The following GRIN2A variants were observed in gnomAD, a reference collection of about 807,000 sequenced individuals.
GRIN2A encodes the protein glutamate ionotropic receptor NMDA type subunit 2A.
A neutral mutation model predicts 113.4 loss-of-function variants in GRIN2A; 22 were observed. The observed-to-expected ratio is 0.19, with a 90% confidence interval of 0.14 to 0.28. GRIN2A has a LOEUF of 0.28. Ranked by LOEUF, GRIN2A falls within the 10% of genes least tolerant of loss-of-function variation. GRIN2A has a pLI of 1.00. For missense variants in GRIN2A, 1,502 were observed against 1,887.0 expected (o/e 0.80, Z 3.78); for synonymous variants, 827 against 738.4 (o/e 1.12, Z -1.94).
At chr16:10,037,141 G>A (rs547267311) in intron 2 of GRIN2A, 7 of 152,248 alleles carry the variant, frequency 4.6e-5, no homozygotes, top group South Asian at 4.2e-4. Context: ...GTTCCGCCTC[G>A]GTTAGCAGAA....
intron 2 of GRIN2A, among the ~76,000 whole-genome samples, chr16:9,973,805 A>G (rs184105042): frequency 6.6e-6 from 1 of 152,192 alleles, no homozygotes; most frequent in South Asian, 2.1e-4. Context: ...AACAAATTCT[A>G]TAATTAGTGA....
intron 1 of GRIN2A, 144 bp downstream of exon 1, chr16:10,181,733 C>G (rs1450291665): frequency 1.3e-5 from 2 of 152,724 alleles, no homozygotes; most frequent in Non-Finnish European, 2.9e-5. Flanking sequence ...CCGCAGCGCC[C>G]CCTGGTGCCC....
chr16:9,797,248 C>T (rs1009236236), intron 11 of GRIN2A, among the ~76,000 whole-genome samples: 7 of 152,230 alleles, frequency 4.6e-5, no homozygotes, highest in Non-Finnish European at 8.8e-5. Context: ...TGCCCTCTGG[C>T]TTGAGCCTTT....
intron 2 of GRIN2A, among the ~76,000 whole-genome samples, chr16:10,019,106 C>T (rs1173605951): frequency 1.1e-5 from 1 of 94,660 alleles, no homozygotes; most frequent in Non-Finnish European, 2.5e-5. Flanking sequence ...TGACCTTGAG[C>T]AAATTGCAGG....
Position 10,170,555 on chromosome 16 carries a change from A to G in GRIN2A, c.414+9443T>C, listed in dbSNP as rs1164905931. ...TATGTTAATTAGTTTGATGGTGACA[A>G]TCATCTCACATTTACTTGTATATCA... On this transcript the variant is annotated intron_variant, in intron 2 of 12. Coordinates refer to ENST00000330684, the MANE Select transcript of GRIN2A (RefSeq NM_001134407.3). Among the ~76,000 whole-genome samples, 3 of 152,174 alleles carry G rather than the reference A, an allele frequency of 2.0e-5. No individual in the cohort carries two copies. In the East Asian group the frequency reaches 5.8e-4, roughly 29 times the overall value.
Position 9,763,294 on chromosome 16 carries a change from C to T in GRIN2A, c.4250G>A (p.Arg1417Gln), listed in dbSNP as rs1346618506. Residue 1417 changes from arginine to glutamine, a missense_variant, in exon 13 of 13, where the codon CGG becomes CAG. Physicochemically the swap from Arg to Gln is conservative, Grantham distance 43 (BLOSUM62 1). Around this residue, in one of 7 missense-constraint regions of GRIN2A, gnomAD observed 832 missense variants for 789.7 expected, o/e 1.05. Transcript: ENST00000330684. The stretch of plus-strand genomic sequence containing the variant: ...CGAAATATACACATCATTGTGGCCC[C>T]GACTGTCCCTGGAACAGTACGATGC... ...STASYCSRDS[R>Q]GHNDVYISEH... is the part of the protein sequence containing the mutation. 1.2e-6 allele frequency: 2 copies of T among 1,614,088 alleles called. No homozygotes were observed. Among genetic ancestry groups the T allele is most frequent in the Non-Finnish European group, 1.7e-6 (2 of 1,179,994 alleles).
At chr16:10,115,350 T>A (rs2048710928) in intron 2 of GRIN2A, among the ~76,000 whole-genome samples, 1 of 152,152 alleles carries the variant, frequency 6.6e-6, no homozygotes, top group Non-Finnish European at 1.5e-5. Context: ...ACCATCAACA[T>A]AGTATTTGTA....
intron 2 of GRIN2A, among the ~76,000 whole-genome samples, chr16:9,944,862 G>A (rs147760962): frequency 1.5e-3 from 221 of 152,292 alleles, no homozygotes; most frequent in African/African-American, 4.8e-3. Flanking sequence ...ACATTCATCC[G>A]TGGATTGTCT....
At chr16:9,850,608 G>C (rs900292313) in intron 4 of GRIN2A, among the ~76,000 whole-genome samples, 1 of 152,064 alleles carries the variant, frequency 6.6e-6, no homozygotes, top group Non-Finnish European at 1.5e-5. Flanking sequence ...AGAGGAGTGG[G>C]GGTTGAGACA....
chr16:10,119,842 T>G (rs2048799918), intron 2 of GRIN2A, among the ~76,000 whole-genome samples: 1 of 152,212 alleles, frequency 6.6e-6, no homozygotes, highest in South Asian at 2.1e-4. Context: ...GTATTTGGTT[T>G]TCTGTTCCTG....
chr16:9,914,920 T>G (rs1057497848), intron 3 of GRIN2A, among the ~76,000 whole-genome samples: 73 of 70,188 alleles, frequency 1.0e-3, no homozygotes, highest in African/African-American at 4.4e-3. Context: ...TTTTTTTTTT[T>G]TTTTTTTTTT....
chr16:9,774,378 GAGGTATTAATACACTC>G (rs1300931473), intron 11 of GRIN2A, among the ~76,000 whole-genome samples: 2 of 152,164 alleles, frequency 1.3e-5, no homozygotes, highest in East Asian at 1.9e-4. Context: ...TAGTAACACA[GAGGTATTAATACACTC>G]AGGTATTAAT....
chr16:10,037,349 T>G (rs1437618199), intron 2 of GRIN2A: 1 of 152,224 alleles, frequency 6.6e-6, no homozygotes, highest in South Asian at 2.1e-4. Flanking sequence ...AGTTCTTTTG[T>G]GGAAACATGG....
At chr16:10,108,643 G>A (rs1019360389) in intron 2 of GRIN2A, among the ~76,000 whole-genome samples, 28 of 152,130 alleles carry the variant, frequency 1.8e-4, no homozygotes, top group African/African-American at 5.8e-4. Context: ...CGATGTAGCC[G>A]GGGTTAAAGC....
At chr16:9,910,537 C>CTTTTTTTTTTTTTT (rs35352418) in intron 3 of GRIN2A, among the ~76,000 whole-genome samples, 1 of 123,286 alleles carries the variant, frequency 8.1e-6, no homozygotes. Flanking sequence ...TCTCAGAGTT[C>CTTTTTTTTTTTTTT]TTTTTTTTTT....
intron 10 of GRIN2A, among the ~76,000 whole-genome samples, chr16:9,807,189 C>G (rs976597456): frequency 7.8e-6 from 1 of 128,318 alleles, no homozygotes; most frequent in South Asian, 2.8e-4. Context: ...AATGAACTAA[C>G]AGAGAGAGAG....
At chr16:10,165,688 AGGGG>A in intron 2 of GRIN2A, among the ~76,000 whole-genome samples, 1 of 10,478 alleles carries the variant, frequency 9.5e-5, no homozygotes, top group Non-Finnish European at 2.6e-4. Context: ...AGGGGAGGGG[AGGGG>A]AGGGGAGAAA....
chr16:10,056,329 C>T (rs942811618), intron 2 of GRIN2A, among the ~76,000 whole-genome samples: 3 of 152,120 alleles, frequency 2.0e-5, no homozygotes, highest in Non-Finnish European at 4.4e-5. Context: ...TCTTTCCACT[C>T]ATCCATTCAA....
intron 3 of GRIN2A, among the ~76,000 whole-genome samples, chr16:9,893,165 T>C (rs181461990): frequency 1.7e-3 from 261 of 152,294 alleles, no homozygotes; most frequent in African/African-American, 6.1e-3. Context: ...ATTCGGGTCA[T>C]TGAAAATCAT....
Sources: allele counts gnomAD v4.1 joint callset (sites outside exome capture counted in the v4.1 genomes callset), GRCh38; gene constraint gnomAD v4.1.1; regional missense constraint gnomAD v4.1.1; transcripts MANE v1.5; gene names NCBI Gene and HGNC (gene_info 2026-07-23, HGNC 2026-07-21).